The following SRL variants were observed in gnomAD, a reference collection of about 807,000 sequenced individuals.
SRL encodes the protein sarcalumenin.
In SRL, 23 loss-of-function variants were observed where a neutral mutation model predicts 39.5. The ratio of observed to expected loss-of-function variants is 0.58; its 90% confidence interval spans 0.42 to 0.82. SRL has a LOEUF of 0.82. Ranked by LOEUF, SRL falls within the 40% of genes least tolerant of loss-of-function variation. The pLI, the probability that SRL is intolerant of heterozygous loss-of-function variation, is 0.00. For synonymous variants in SRL, 272 were observed against 237.4 expected (o/e 1.15, Z -1.34); for missense variants, 592 against 607.8 (o/e 0.97, Z 0.27).
chr16:4,235,038 G>T (rs780411620), intron 1 of SRL, among the ~76,000 whole-genome samples: 1 of 152,182 alleles, frequency 6.6e-6, no homozygotes, highest in Non-Finnish European at 1.5e-5. Context: ...ATGAGCTGCA[G>T]CTCCCCCCAT....
At chr16:4,236,959 T>C (rs2052720348) in intron 1 of SRL, among the ~76,000 whole-genome samples, 1 of 151,038 alleles carries the variant, frequency 6.6e-6, no homozygotes, top group Non-Finnish European at 1.5e-5. Context: ...TTTTTTTTTT[T>C]GAGACAAGGT....
At chr16:4,221,670 G>A (rs2052532574) in intron 1 of SRL, among the ~76,000 whole-genome samples, 1 of 152,240 alleles carries the variant, frequency 6.6e-6, no homozygotes, top group Admixed American at 6.5e-5. Context: ...CTATGGGGCT[G>A]CTGTGACAAA....
In SRL at chr16:4,208,860, C is replaced by T. The variant is rs2052358833; in HGVS notation, c.62-4226G>A. ...CTGGCCAACCCCTTCCAAGGGGATC[C>T]CCTTGTAAGGGACTGCAGCTTAACC... is the stretch of plus-strand genomic sequence containing the variant. On this transcript the variant is annotated intron_variant, in intron 1 of 5. Coordinates refer to ENST00000399609, the MANE Select transcript of SRL (RefSeq NM_001098814.2). Among the ~76,000 whole-genome samples, 2 of 152,136 alleles carry T rather than the reference C, an allele frequency of 1.3e-5. 1 individual carries two copies. Among genetic ancestry groups the T allele is most frequent in the South Asian group, 4.1e-4 (2 of 4,824 alleles).
chr16:4,225,300 G>C (rs2052575368), intron 1 of SRL, among the ~76,000 whole-genome samples: 1 of 152,030 alleles, frequency 6.6e-6, no homozygotes. Context: ...AAATAATAAA[G>C]AGCCGGGTGT....
intron 1 of SRL, among the ~76,000 whole-genome samples, chr16:4,220,278 AACACACACAC>A (rs71394664): frequency 1.6e-4 from 22 of 140,802 alleles, no homozygotes; most frequent in African/African-American, 5.4e-4. Flanking sequence ...TCTCTACTAA[AACACACACAC>A]ACACACACAC....
At chr16:4,197,723 G>A (rs2052167959) in intron 4 of SRL, 76 bp downstream of exon 4, 8 of 1,093,402 alleles carry the variant, frequency 7.3e-6, no homozygotes, top group Non-Finnish European at 1.1e-5. Flanking sequence ...ATAATGTCCG[G>A]CCAGTGATTT....
chr16:4,204,564 C>T lies in SRL; in HGVS notation c.132G>A (p.Leu44=), dbSNP rs747327905. ...AGTCATCGGATGGCTTGTCCTCATT[C>T]AGCATGAGGGTCTTCTCGATGTGGG... ...DRSHIEKTLM[L]NEDKPSDDYS... is the part of the protein sequence containing the mutation. Residue 44 remains leucine (L), a synonymous_variant, in exon 2 of 6, where the codon CTG becomes CTA. Transcript: ENST00000399609. 24 of 1,614,082 alleles carry T rather than the reference C, an allele frequency of 1.5e-5. No individual in the cohort carries two copies. Among genetic ancestry groups the T allele is most frequent in the Non-Finnish European group, 2.0e-5 (24 of 1,180,036 alleles).
At chr16:4,222,821 C>A (rs1041383342) in intron 1 of SRL, among the ~76,000 whole-genome samples, 1 of 152,126 alleles carries the variant, frequency 6.6e-6, no homozygotes, top group Non-Finnish European at 1.5e-5. Flanking sequence ...TGGCGAGATG[C>A]GGTGGCTCAC....
rs760418935 is a variant in SRL at position 4,192,268 on chromosome 16, G to C, written c.1307C>G (p.Thr436Ser). 78 of 1,614,026 alleles carry C rather than the reference G, an allele frequency of 4.8e-5. No individual in the cohort carries two copies. The highest frequency in any genetic ancestry group is 6.5e-5 in the Non-Finnish European group (77 of 1,180,006). Residue 436 changes from threonine to serine, a missense_variant, in exon 6 of 6, where the codon ACT becomes AGT. Transcript: ENST00000399609. The surrounding 1 kb of genome is among the most constrained non-coding windows in gnomAD (Gnocchi z 4.0). Reference sequence around the variant, plus strand: ...ACCCAGGAGGCCCGGAAGCTCCTGAGTGATGGCCCGCTCAATCTTCTCCAG... The same window carrying C: ...ACCCAGGAGGCCCGGAAGCTCCTGACTGATGGCCCGCTCAATCTTCTCCAG... ...CFLEKIERAI[T>S]QELPGLLGSL... is the part of the protein sequence containing the mutation.
intron 1 of SRL, among the ~76,000 whole-genome samples, chr16:4,230,884 A>G (rs2052653651): frequency 6.6e-6 from 1 of 152,164 alleles, no homozygotes; most frequent in Non-Finnish European, 1.5e-5. Flanking sequence ...CTACCACTCA[A>G]AGAATGCCAG....
At chr16:4,227,692 C>A (rs2052608726) in intron 1 of SRL, among the ~76,000 whole-genome samples, 1 of 152,100 alleles carries the variant, frequency 6.6e-6, no homozygotes, top group African/African-American at 2.4e-5. Flanking sequence ...GATTCAGAAC[C>A]AGGGAAGTGC....
intron 1 of SRL, among the ~76,000 whole-genome samples, chr16:4,234,088 A>G (rs2052688497): frequency 1.3e-5 from 2 of 151,900 alleles, no homozygotes; most frequent in African/African-American, 2.4e-5. Context: ...TCGACCTCCT[A>G]GGCTCAAGCC....
At chr16:4,231,350 C>T (rs1374694021) in intron 1 of SRL, among the ~76,000 whole-genome samples, 1 of 152,142 alleles carries the variant, frequency 6.6e-6, no homozygotes, top group South Asian at 2.1e-4. Flanking sequence ...AAGCTACTGA[C>T]TTTGTGGCAA....
At chr16:4,217,260 C>CT (rs2052471177) in intron 1 of SRL, among the ~76,000 whole-genome samples, 2 of 152,002 alleles carry the variant, frequency 1.3e-5, no homozygotes, top group Admixed American at 6.6e-5. Context: ...TACTCTTTTT[C>CT]TTTTTTTACA....
intron 4 of SRL, 140 bp downstream of exon 4, chr16:4,197,659 T>G: frequency 1.4e-6 from 1 of 689,964 alleles, no homozygotes; most frequent in Non-Finnish European, 2.6e-6. Context: ...ACTGACGGCC[T>G]CAAGTGATCC....
chr16:4,226,251 C>A (rs549999577), intron 1 of SRL, among the ~76,000 whole-genome samples: 2 of 152,294 alleles, frequency 1.3e-5, no homozygotes, highest in Non-Finnish European at 2.9e-5. Context: ...TTGTGTAGCC[C>A]CTGCACCTAG....
At chr16:4,230,418 T>C (rs954202840) in intron 1 of SRL, among the ~76,000 whole-genome samples, 1 of 150,834 alleles carries the variant, frequency 6.6e-6, no homozygotes, top group Non-Finnish European at 1.5e-5. Context: ...TCTTGCCCTG[T>C]CGCCCAGGCT....
intron 2 of SRL, among the ~76,000 whole-genome samples, chr16:4,203,683 G>T (rs1327302878): frequency 6.7e-6 from 1 of 149,382 alleles, no homozygotes; most frequent in African/African-American, 2.6e-5. Context: ...CACTGTGCCC[G>T]GCCTGAGCTG....
intron 1 of SRL, among the ~76,000 whole-genome samples, chr16:4,230,753 G>A (rs531083350): frequency 5.9e-5 from 9 of 152,086 alleles, no homozygotes; most frequent in Non-Finnish European, 1.0e-4. Context: ...GATCATACTG[G>A]ATTAGGTGGG....
Sources: gnomAD v4.1 joint callset for allele counts (sites outside exome capture counted in the v4.1 genomes callset) on GRCh38, gnomAD v4.1.1 for gene constraint, Gnocchi (gnomAD v3.1) non-coding constraint, MANE v1.5 for transcripts, NCBI Gene and HGNC (gene_info 2026-07-23, HGNC 2026-07-21) for gene names.